ASPRV1: variants seen among roughly 807,000 people sequenced by gnomAD.
ASPRV1 encodes retroviral-like aspartic protease 1.
Under a neutral mutation model 11.0 loss-of-function variants are expected in ASPRV1, and 7 were observed. The observed-to-expected ratio is 0.64, with a 90% CI of 0.36 to 1.20. The LOEUF (loss-of-function observed/expected upper bound fraction) is 1.20, where lower values mean the gene tolerates loss of function less well. Among genes scored for constraint, ASPRV1 ranks in the 50% most tolerant of loss-of-function variants. The pLI is 0.02. For synonymous variants in ASPRV1, 136 were observed against 138.4 expected, an observed-to-expected ratio of 0.98 and a Z score of 0.12; for missense variants, 299 against 320.0, an observed-to-expected ratio of 0.93 and a Z score of 0.50.
the ASPRV1 span, among the ~76,000 whole-genome samples, chr2:69,980,829 G>A: frequency 2.6e-5 from 4 of 152,120 alleles, no homozygotes; most frequent in African/African-American, 7.2e-5. Context: ...AGGATGGAGC[G>A]CAATGGAGAG....
chr2:69,993,899 C>T, the ASPRV1 span: 2 of 152,214 alleles, frequency 1.3e-5, no homozygotes, highest in African/African-American at 2.4e-5. Flanking sequence ...TTTTGCAGAG[C>T]GTTGGGAAAT....
the ASPRV1 span, among the ~76,000 whole-genome samples, chr2:70,033,525 C>A: frequency 1.3e-5 from 2 of 152,204 alleles, no homozygotes; most frequent in East Asian, 3.9e-4. Flanking sequence ...TCCAATGACC[C>A]ATAGCTGGAG....
chr2:69,990,653 C>G, the ASPRV1 span, among the ~76,000 whole-genome samples: 2 of 151,796 alleles, frequency 1.3e-5, no homozygotes, highest in Non-Finnish European at 2.9e-5. Context: ...TGAGGTCTTA[C>G]TATGTTGCCC....
downstream of ASPRV1, among the ~76,000 whole-genome samples, chr2:69,955,092 C>T (rs1037340159): frequency 2.6e-5 from 4 of 152,194 alleles, no homozygotes; most frequent in South Asian, 2.1e-4. Flanking sequence ...CTTCCTTACC[C>T]GAGGTTACTT....
the ASPRV1 span, among the ~76,000 whole-genome samples, chr2:70,039,735 G>A: frequency 1.3e-5 from 2 of 152,122 alleles, no homozygotes; most frequent in Non-Finnish European, 2.9e-5. Context: ...TTCTTCCAAG[G>A]TTCTAGCCCT....
the ASPRV1 span, among the ~76,000 whole-genome samples, chr2:70,020,180 G>A: frequency 4.6e-5 from 7 of 152,100 alleles, no homozygotes; most frequent in Admixed American, 1.3e-4. Context: ...AAAACAACAT[G>A]GCAGTTCCTC....
chr2:69,969,615 G>A, the ASPRV1 span, among the ~76,000 whole-genome samples: 1 of 151,942 alleles, frequency 6.6e-6, no homozygotes, highest in Admixed American at 6.6e-5. Context: ...TCCAGGCCAG[G>A]GACACCCCTC....
At chr2:69,958,317 C>T (rs906669364), downstream of ASPRV1, among the ~76,000 whole-genome samples, 10 of 152,084 alleles carry the variant, frequency 6.6e-5, no homozygotes, top group Non-Finnish European at 1.3e-4. Context: ...CCTCACTGTG[C>T]CCTCTCGGGG....
the ASPRV1 span, among the ~76,000 whole-genome samples, chr2:69,986,761 G>A: frequency 6.6e-6 from 1 of 152,190 alleles, no homozygotes. Context: ...TGTCTGCTTT[G>A]ATCACACCCA....
the ASPRV1 span, chr2:69,937,255 A>G: frequency 1.9e-6 from 3 of 1,614,030 alleles, no homozygotes; most frequent in South Asian, 3.3e-5. Flanking sequence ...ATTGTGACAG[A>G]AAAGCCGTTC....
the ASPRV1 span, among the ~76,000 whole-genome samples, chr2:70,041,206 G>A: frequency 1.3e-5 from 2 of 152,160 alleles, no homozygotes; most frequent in South Asian, 2.1e-4. Flanking sequence ...TCTCACTCAC[G>A]ACAATAAAGA....
chr2:69,937,246 T>C, the ASPRV1 span: 8 of 1,613,682 alleles, frequency 5.0e-6, no homozygotes, highest in Non-Finnish European at 6.8e-6. Flanking sequence ...AACTTGAAGA[T>C]TGTGACAGAA....
the ASPRV1 span, among the ~76,000 whole-genome samples, chr2:70,052,674 C>A: frequency 6.6e-6 from 1 of 152,160 alleles, no homozygotes; most frequent in African/African-American, 2.4e-5. Context: ...AGAAGCCAGG[C>A]CAGTGACAGT....
the ASPRV1 span, chr2:70,048,712 C>A: frequency 6.6e-6 from 1 of 152,598 alleles, no homozygotes; most frequent in Non-Finnish European, 1.5e-5. Flanking sequence ...GAAATTTATT[C>A]TCTTGCAGTT....
In ASPRV1 at chr2:69,961,265, G is replaced by C; in HGVS notation, c.172C>G (p.Leu58Val). Reference sequence around the variant, plus strand: ...TAGACACCCAGGGCCTCTCCTCTGAGGGACTCTTTCAGGAACCTTAGCTTG... The same window carrying C: ...TAGACACCCAGGGCCTCTCCTCTGACGGACTCTTTCAGGAACCTTAGCTTG... ...ITKLRFLKES[L>V]RGEALGVYNR... The change falls in exon 1 of 1, where the codon CTC becomes GTC. Residue 58 changes from leucine to valine, a missense_variant. By Grantham distance (32) the Leu-to-Val change is conservative. Transcript: ENST00000320256. The C allele has an allele frequency of 6.2e-7, 1 of 1,614,116 alleles. No individual in the cohort carries two copies. Among genetic ancestry groups the C allele is most frequent in the South Asian group, 1.1e-5 (1 of 91,076 alleles).
At chr2:70,079,969 T>C in the ASPRV1 span, among the ~76,000 whole-genome samples, 1 of 152,216 alleles carries the variant, frequency 6.6e-6, no homozygotes, top group Admixed American at 6.5e-5. Flanking sequence ...TTGAAGTAAC[T>C]GTCTCTCTGA....
chr2:69,971,821 G>T, the ASPRV1 span, among the ~76,000 whole-genome samples: 1 of 152,128 alleles, frequency 6.6e-6, no homozygotes, highest in Non-Finnish European at 1.5e-5. Flanking sequence ...GTGCCTCTGC[G>T]CAGTCTTTGG....
the ASPRV1 span, chr2:69,938,269 G>A: frequency 6.7e-5 from 108 of 1,614,120 alleles, no homozygotes; most frequent in Admixed American, 1.5e-4. Context: ...GTCACAAGGC[G>A]TGTCTTGGTC....
At chr2:70,055,436 G>A in the ASPRV1 span, among the ~76,000 whole-genome samples, 3 of 152,166 alleles carry the variant, frequency 2.0e-5, no homozygotes, top group East Asian at 5.8e-4. Flanking sequence ...TATAAACCAT[G>A]GAATACTATG....
Sources: allele counts gnomAD v4.1 joint callset (sites outside exome capture counted in the v4.1 genomes callset), GRCh38; gene constraint gnomAD v4.1.1; transcripts MANE v1.5; gene names NCBI Gene and HGNC (gene_info 2026-07-23, HGNC 2026-07-21).